Variants in ABLIM1 observed in about 807,000 individuals in gnomAD.
ABLIM1 encodes actin-binding LIM protein 1.
In ABLIM1, 40 loss-of-function variants were observed where a neutral mutation model predicts 107.0. That is an observed-to-expected ratio of 0.37 (90% CI 0.29 to 0.49). The LOEUF (loss-of-function observed/expected upper bound fraction) is 0.49. Among genes scored for constraint, ABLIM1 ranks in the 20% least tolerant of loss-of-function variants. The probability of loss-of-function intolerance (pLI) is 0.97; values close to 1 mark genes in which losing one functional copy is unlikely to be tolerated. For synonymous variants in ABLIM1, 357 were observed against 357.3 expected (o/e 1.00, Z 0.01); for missense variants, 857 against 1,008.5 (o/e 0.85, Z 2.04).
chr10:114,760,618 T>C lies in ABLIM1; in HGVS notation c.-213+7443A>G, dbSNP rs973670779. Among the ~76,000 whole-genome samples the C allele has an allele frequency of 2.0e-5, 3 of 152,182 alleles. No homozygotes were observed. The East Asian group carries it at 5.8e-4, about 29-fold the overall frequency. Reference sequence around the variant, plus strand: ...TATATTAGACCACAGCAGGTCCTGATGGACTGACAATGATAGTAAACCATT... The same window carrying C: ...TATATTAGACCACAGCAGGTCCTGACGGACTGACAATGATAGTAAACCATT... On this transcript the variant is annotated intron_variant, in intron 1 of 15. Coordinates refer to the ABLIM1 transcript ENST00000651092.
chr10:114,611,895 A>G (rs1390007261), intron 1 of ABLIM1, among the ~76,000 whole-genome samples: 1 of 152,106 alleles, frequency 6.6e-6, no homozygotes, highest in Non-Finnish European at 1.5e-5. Context: ...TTCTCTGACC[A>G]TGTTCAACCA....
intron 2 of ABLIM1, among the ~76,000 whole-genome samples, chr10:114,592,131 T>C (rs1189104687): frequency 6.6e-6 from 1 of 152,170 alleles, no homozygotes; most frequent in Non-Finnish European, 1.5e-5. Flanking sequence ...AAACCATACA[T>C]AACTTATATA....
chr10:114,563,194 AG>A (rs1414610667), intron 4 of ABLIM1, among the ~76,000 whole-genome samples: 1 of 152,252 alleles, frequency 6.6e-6, no homozygotes, highest in Non-Finnish European at 1.5e-5. Flanking sequence ...ATGTTAACAG[AG>A]GTCACCTCTT....
At chr10:114,699,126 G>C (rs1214450163) in intron 1 of ABLIM1, among the ~76,000 whole-genome samples, 4 of 145,710 alleles carry the variant, frequency 2.7e-5, no homozygotes, top group Non-Finnish European at 6.1e-5. Flanking sequence ...AAAAAGAATT[G>C]GAATTAAAAG....
At chr10:114,674,057 A>C (rs1008302558) in intron 1 of ABLIM1, among the ~76,000 whole-genome samples, 2 of 152,146 alleles carry the variant, frequency 1.3e-5, no homozygotes, top group African/African-American at 4.8e-5. Flanking sequence ...TGGGAGGCCG[A>C]GGCAGGCAGG....
chr10:114,681,949 G>C (rs561508843), intron 1 of ABLIM1, among the ~76,000 whole-genome samples: 4 of 152,326 alleles, frequency 2.6e-5, no homozygotes, highest in Admixed American at 1.3e-4. Flanking sequence ...TTTGGAAGCA[G>C]GAAAACCTGT....
intron 1 of ABLIM1, among the ~76,000 whole-genome samples, chr10:114,675,543 T>C (rs1199092824): frequency 6.6e-6 from 1 of 152,196 alleles, no homozygotes; most frequent in Non-Finnish European, 1.5e-5. Flanking sequence ...ATTAAACCTC[T>C]TTCCTTTATA....
At chr10:114,442,314 C>A (rs7082001) in intron 17 of ABLIM1, among the ~76,000 whole-genome samples, 38,190 of 152,054 alleles carry the variant, frequency 0.25, 6,411 homozygotes, top group African/African-American at 0.48. Context: ...CTACAGCTGG[C>A]CTCCTGGGAG....
At chr10:114,755,016 A>G (rs2082598055) in intron 1 of ABLIM1, among the ~76,000 whole-genome samples, 1 of 152,020 alleles carries the variant, frequency 6.6e-6, no homozygotes, top group Non-Finnish European at 1.5e-5. Context: ...AGGCCAGACT[A>G]CCCTAAGGAG....
chr10:114,638,668 C>A (rs1261219494), intron 1 of ABLIM1, among the ~76,000 whole-genome samples: 1 of 124,298 alleles, frequency 8.0e-6, no homozygotes, highest in Non-Finnish European at 1.7e-5. Context: ...CACACACACA[C>A]AAGCATTTCT....
chr10:114,640,265 G>A (rs556915742), intron 1 of ABLIM1, among the ~76,000 whole-genome samples: 11 of 152,200 alleles, frequency 7.2e-5, no homozygotes, highest in Non-Finnish European at 4.4e-5. Flanking sequence ...GGTGGCTCAC[G>A]CCTATAATCC....
intron 7 of ABLIM1, among the ~76,000 whole-genome samples, chr10:114,488,710 T>C (rs767785048): frequency 6.6e-6 from 1 of 152,252 alleles, no homozygotes; most frequent in Non-Finnish European, 1.5e-5. Flanking sequence ...AGCACTTTAA[T>C]GCGTGGTACC....
At chr10:114,657,257 C>T (rs2079567055) in intron 1 of ABLIM1, among the ~76,000 whole-genome samples, 2 of 152,188 alleles carry the variant, frequency 1.3e-5, no homozygotes, top group Non-Finnish European at 2.9e-5. Context: ...CTTCTGCTTC[C>T]TGTACCAATT....
chr10:114,612,665 T>A (rs1175167251), intron 1 of ABLIM1, among the ~76,000 whole-genome samples: 1 of 152,208 alleles, frequency 6.6e-6, no homozygotes, highest in Non-Finnish European at 1.5e-5. Context: ...GCAATTCTAC[T>A]TAGAAATGAA....
At chr10:114,465,849 T>C in intron 11 of ABLIM1, 22 bp from the exon 12 acceptor site, 1 of 1,613,656 alleles carries the variant, frequency 6.2e-7, no homozygotes, top group Non-Finnish European at 8.5e-7. Context: ...GTTCAACACA[T>C]TCAGGCTATC....
chr10:114,631,024 C>G (rs1228569396), intron 1 of ABLIM1, among the ~76,000 whole-genome samples: 2 of 152,156 alleles, frequency 1.3e-5, no homozygotes, highest in African/African-American at 2.4e-5. Flanking sequence ...AATTTTATCT[C>G]TAGAGAGGAG....
chr10:114,754,860 G>C (rs576517262), intron 1 of ABLIM1, among the ~76,000 whole-genome samples: 1 of 152,092 alleles, frequency 6.6e-6, no homozygotes, highest in African/African-American at 2.4e-5. Flanking sequence ...TTTCTGGCAG[G>C]CAGTCCATCT....
chr10:114,736,086 G>C (rs1452913656), intron 1 of ABLIM1, among the ~76,000 whole-genome samples: 4 of 152,144 alleles, frequency 2.6e-5, no homozygotes, highest in African/African-American at 9.7e-5. Flanking sequence ...ACCCCCAAAA[G>C]AGAGCTAAAC....
chr10:114,572,875 C>G (rs187693781), intron 3 of ABLIM1, among the ~76,000 whole-genome samples: 2 of 152,240 alleles, frequency 1.3e-5, no homozygotes, highest in Non-Finnish European at 2.9e-5. Context: ...AAGAGGCACT[C>G]GTGCTCCGTG....
Sources: allele counts gnomAD v4.1 joint callset (sites outside exome capture counted in the v4.1 genomes callset), GRCh38; gene constraint gnomAD v4.1.1; transcripts MANE v1.5; gene names NCBI Gene and HGNC (gene_info 2026-07-23, HGNC 2026-07-21).